The following SLC6A6 variants were observed in gnomAD, a reference collection of about 807,000 sequenced individuals.
The protein encoded by SLC6A6 is solute carrier family 6 member 6, also known as sodium- and chloride-dependent taurine transporter.
A neutral mutation model predicts 68.8 loss-of-function variants in SLC6A6; 16 were observed. That is an observed-to-expected ratio of 0.23 (90% CI 0.16 to 0.35). The LOEUF is 0.35. Among genes scored for constraint, SLC6A6 ranks in the 10% least tolerant of loss-of-function variants. The pLI is 1.00. For missense variants in SLC6A6, 474 were observed against 802.8 expected (o/e 0.59, Z 4.95); for synonymous variants, 312 against 315.4 (o/e 0.99, Z 0.12).
At position 14,443,839 on chromosome 3, in the gene SLC6A6, T is replaced by A; in HGVS notation, c.205T>A (p.Tyr69Asn). 6.2e-7 allele frequency: 1 copy of A among 1,613,462 alleles called. No individual in the cohort carries two copies. The highest frequency in any genetic ancestry group is 8.5e-7 in the Non-Finnish European group (1 of 1,179,384). Residue 69 changes from tyrosine (Y) to asparagine (N), a missense_variant, in exon 3 of 15, where the codon TAC becomes AAC. This residue lies in a region of SLC6A6 where 280 missense variants were observed against 533.1 expected (regional missense o/e 0.53). Transcript: ENST00000622186. Reference protein sequence around the residue: ...VGLGNVWRFPYLCYKNGGGAF... With the variant: ...VGLGNVWRFPNLCYKNGGGAF... The stretch of plus-strand genomic sequence containing the variant: ...CTTGGGCAACGTCTGGCGCTTCCCG[T>A]ACCTCTGCTACAAGAATGGTGGAGG...
intron 2 of SLC6A6, among the ~76,000 whole-genome samples, chr3:14,439,963 G>A (rs918414433): frequency 2.0e-5 from 3 of 152,116 alleles, no homozygotes; most frequent in Admixed American, 6.5e-5. Flanking sequence ...GTCATCTCTG[G>A]GCCTTATTGA....
At chr3:14,451,745 G>A (rs777435849) in intron 5 of SLC6A6, among the ~76,000 whole-genome samples, 3 of 152,202 alleles carry the variant, frequency 2.0e-5, no homozygotes, top group African/African-American at 4.8e-5. Flanking sequence ...CCCTTTGGGT[G>A]AAACTTATCT....
At chr3:14,423,904 T>A (rs1452334337) in intron 2 of SLC6A6, among the ~76,000 whole-genome samples, 1 of 152,166 alleles carries the variant, frequency 6.6e-6, no homozygotes, top group Non-Finnish European at 1.5e-5. Context: ...TGGCCTTCTG[T>A]GGGCCAAGCG....
intron 6 of SLC6A6, among the ~76,000 whole-genome samples, chr3:14,466,243 C>G (rs1428522855): frequency 1.4e-5 from 2 of 140,684 alleles, no homozygotes; most frequent in Non-Finnish European, 3.0e-5. Flanking sequence ...GCCTGGGTGA[C>G]AGCGAGGCTC....
chr3:14,468,294 C>T lies in SLC6A6; in HGVS notation c.1096+82C>T. On this transcript the variant is annotated intron_variant, in intron 9 of 14. Coordinates refer to ENST00000622186, the MANE Select transcript of SLC6A6 (RefSeq NM_003043.6). This position sits in a 1 kb window ranked among gnomAD's most constrained non-coding sequence, Gnocchi z 4.5. ...GTACTGCAGGCATGAAGCCAGACCC[C>T]AGGGGGCTTTGAGGGGGGACGAGCC... 2 of 1,302,274 alleles carry T rather than the reference C, an allele frequency of 1.5e-6. No homozygotes were observed. The highest frequency in any genetic ancestry group is 2.1e-6 in the Non-Finnish European group (2 of 960,606). 80.7% of individuals were successfully genotyped at this position (1,302,274 alleles called of 1,614,324 possible).
intron 1 of SLC6A6, among the ~76,000 whole-genome samples, chr3:14,412,532 C>T (rs1041469127): frequency 2.0e-5 from 3 of 151,970 alleles, no homozygotes; most frequent in African/African-American, 4.8e-5. Context: ...TGCAAAAATT[C>T]GCCGGGTGTG....
chr3:14,407,499 G>A (rs767644544), intron 1 of SLC6A6, among the ~76,000 whole-genome samples: 1 of 148,806 alleles, frequency 6.7e-6, no homozygotes, highest in Non-Finnish European at 1.5e-5. Flanking sequence ...CACTTTCTCC[G>A]TTTTCTTTTT....
At chr3:14,433,802 CAAAAAAAAAAAA>C (rs67806643) in intron 2 of SLC6A6, among the ~76,000 whole-genome samples, 7 of 77,510 alleles carry the variant, frequency 9.0e-5, no homozygotes, top group Non-Finnish European at 1.5e-4. Context: ...GACTCTGTCT[CAAAAAAAAAAAA>C]AAAAAAAAAA....
intron 2 of SLC6A6, among the ~76,000 whole-genome samples, chr3:14,421,225 G>A (rs1170360904): frequency 6.6e-6 from 1 of 152,178 alleles, no homozygotes; most frequent in Non-Finnish European, 1.5e-5. Context: ...ATTTGGGGGA[G>A]ATGAGAAAAA....
intron 2 of SLC6A6, among the ~76,000 whole-genome samples, chr3:14,418,896 G>T (rs1193634606): frequency 6.6e-6 from 1 of 152,160 alleles, no homozygotes; most frequent in Non-Finnish European, 1.5e-5. Context: ...GCTGACTCTA[G>T]CCCACTTCCT....
Position 14,486,502 on chromosome 3 carries a change from C to G in SLC6A6, c.*1495C>G, listed in dbSNP as rs1317217332. 1 of 152,700 alleles carries G rather than the reference C, an allele frequency of 6.5e-6. No individual in the cohort carries two copies. Among genetic ancestry groups the G allele is most frequent in the African/African-American group, 2.4e-5 (1 of 41,444 alleles). 9.5% of individuals were successfully genotyped at this position (152,700 alleles called of 1,614,324 possible). ...TTGTCAGGGTCCTGGCCCCTCAGAA[C>G]TGGCTTGATCAAGGGCCTTATGTGG... On this transcript the variant is annotated 3_prime_UTR_variant, in exon 15 of 15. Transcript: ENST00000622186.
chr3:14,465,005 G>A (rs1281686721), intron 6 of SLC6A6, among the ~76,000 whole-genome samples: 1 of 152,186 alleles, frequency 6.6e-6, no homozygotes, highest in African/African-American at 2.4e-5. Flanking sequence ...CGTCCTTAAA[G>A]CCCACCAAGC....
At position 14,466,505 on chromosome 3, in the gene SLC6A6, C is replaced by T. The variant is rs368916333; in HGVS notation, c.733-11C>T. ...TGCCCATGGCCTCCTGAATCCCTCT[C>T]GCCCTTGCAGGTCGTCTACTTCACA... is the stretch of plus-strand genomic sequence containing the variant. On this transcript the variant is annotated splice_polypyrimidine_tract_variant and intron_variant, in intron 6 of 14. Transcript: ENST00000622186. 8.5e-5 allele frequency: 137 copies of T among 1,607,616 alleles called. No individual in the cohort carries two copies. Among genetic ancestry groups the T allele is most frequent in the Admixed American group, 3.0e-4 (18 of 59,590 alleles).
In SLC6A6 at chr3:14,481,602, C is replaced by G; in HGVS notation, c.1552-69C>G. The stretch of plus-strand genomic sequence containing the variant: ...CCCTTCCCTCAGGTTGAGGCCAGTC[C>G]TAGTCCCAGAAGCCCCCCACCCCCC... On this transcript the variant is annotated intron_variant, in intron 13 of 14. Coordinates refer to ENST00000622186, the MANE Select transcript of SLC6A6 (RefSeq NM_003043.6). The surrounding 1 kb of genome is among the most constrained non-coding windows in gnomAD (Gnocchi z 4.7). 1 of 1,095,244 alleles carries G rather than the reference C, an allele frequency of 9.1e-7. No homozygotes were observed. Among genetic ancestry groups the G allele is most frequent in the Middle Eastern group, 2.0e-4 (1 of 4,888 alleles). 67.8% of individuals were successfully genotyped at this position (1,095,244 alleles called of 1,614,324 possible). A position where few individuals can be genotyped will look rare whatever the true frequency, so the allele number is the denominator to read the frequency against.
chr3:14,453,259 C>T (rs1315649677), intron 5 of SLC6A6, among the ~76,000 whole-genome samples: 2 of 152,240 alleles, frequency 1.3e-5, no homozygotes, highest in African/African-American at 4.8e-5. Flanking sequence ...AACAGACGTC[C>T]AGGCAGTTCT....
intron 5 of SLC6A6, 36 bp from the exon 6 acceptor site, chr3:14,457,913 GC>G: frequency 6.2e-7 from 1 of 1,611,756 alleles, no homozygotes. Context: ...CCAGGGCCAG[GC>G]CCCTCACTGA....
intron 10 of SLC6A6, among the ~76,000 whole-genome samples, chr3:14,474,261 A>G (rs1036222357): frequency 2.6e-5 from 4 of 152,304 alleles, no homozygotes; most frequent in African/African-American, 9.6e-5. Context: ...AGATGCCAGC[A>G]GTGTGCCTCA....
intron 2 of SLC6A6, among the ~76,000 whole-genome samples, chr3:14,442,058 G>A (rs1365015443): frequency 6.6e-6 from 1 of 152,254 alleles, no homozygotes; most frequent in Admixed American, 6.5e-5. Context: ...ACTGGAGCCA[G>A]CCAAGCGAGT....
At position 14,434,975 on chromosome 3, in the gene SLC6A6, G is replaced by A. The variant is rs551835030; in HGVS notation, c.-11-8649G>A. Among the ~76,000 whole-genome samples, 17 of 152,376 alleles carry A rather than the reference G, an allele frequency of 1.1e-4. 1 individual carries two copies. The South Asian group carries it at 3.3e-3, about 30-fold the overall frequency. ...TGTTTTTATGAGGGGAAGGTGACAA[G>A]TTGGCTGTCTATTAGACTCATACCG... On this transcript the variant is annotated intron_variant, in intron 2 of 14. Transcript: ENST00000622186.
Sources: allele counts gnomAD v4.1 joint callset (sites outside exome capture counted in the v4.1 genomes callset), GRCh38; gene constraint gnomAD v4.1.1; regional missense constraint gnomAD v4.1.1; non-coding constraint Gnocchi (gnomAD v3.1); transcripts MANE v1.5; gene names NCBI Gene and HGNC (gene_info 2026-07-23, HGNC 2026-07-21).